KPNA7: variants seen among roughly 807,000 people sequenced by gnomAD.
The protein encoded by KPNA7 is importin subunit alpha-8.
KPNA7 carries 54 observed loss-of-function variants against 53.7 expected under a neutral mutation model. The observed-to-expected ratio is 1.01, with a 90% CI of 0.81 to 1.26. KPNA7 has a LOEUF of 1.26. KPNA7 is among the 50% of genes most tolerant of loss of function. KPNA7 has a pLI of 0.00. For synonymous variants in KPNA7, 276 were observed against 259.3 expected (o/e 1.06, Z -0.62); for missense variants, 640 against 644.5 (o/e 0.99, Z 0.07).
At chr7:99,216,703 G>A (rs145125623) in intron 1 of KPNA7, among the ~76,000 whole-genome samples, 7 of 152,044 alleles carry the variant, frequency 4.6e-5, no homozygotes, top group Non-Finnish European at 1.0e-4. Flanking sequence ...CTGGGATTAC[G>A]GGCATGCGCC....
chr7:99,180,605 G>GTC (rs1442901833), intron 9 of KPNA7, among the ~76,000 whole-genome samples: 1 of 125,204 alleles, frequency 8.0e-6, no homozygotes, highest in Non-Finnish European at 1.7e-5. Context: ...CTCCGTCTCT[G>GTC]TCTCTCTCCC....
At chr7:99,163,384 T>TATATATATATATATAA in the KPNA7 span, among the ~76,000 whole-genome samples, 1 of 42,262 alleles carries the variant, frequency 2.4e-5, no homozygotes, top group Non-Finnish European at 4.3e-5. Context: ...TATATATATA[T>TATATATATATATATAA]TTTTTTTTTT....
intron 2 of KPNA7, among the ~76,000 whole-genome samples, chr7:99,204,132 C>T (rs192411689): frequency 2.6e-5 from 4 of 152,236 alleles, no homozygotes; most frequent in African/African-American, 4.8e-5. Flanking sequence ...ATAATCCCAG[C>T]ACTTTGGGAG....
At chr7:99,152,774 T>C in the KPNA7 span, among the ~76,000 whole-genome samples, 4 of 152,300 alleles carry the variant, frequency 2.6e-5, no homozygotes, top group African/African-American at 9.6e-5. Flanking sequence ...TATAATCATT[T>C]TAGACATCGC....
At chr7:99,215,369 CAAAAAAAAAAAAAA>C (rs533680824) in intron 1 of KPNA7, among the ~76,000 whole-genome samples, 2 of 52,070 alleles carry the variant, frequency 3.8e-5, no homozygotes, top group Non-Finnish European at 6.6e-5. Flanking sequence ...GAGACTGTCT[CAAAAAAAAAAAAAA>C]AAAAAAAAAA....
At chr7:99,160,048 A>T in the KPNA7 span, among the ~76,000 whole-genome samples, 2 of 117,814 alleles carry the variant, frequency 1.7e-5, no homozygotes, top group Admixed American at 9.9e-5. Context: ...TTTTTGAGAC[A>T]GTGTCTCGCT....
At chr7:99,158,025 C>T in the KPNA7 span, among the ~76,000 whole-genome samples, 1 of 151,802 alleles carries the variant, frequency 6.6e-6, no homozygotes, top group Non-Finnish European at 1.5e-5. Flanking sequence ...GTAGCTGGGA[C>T]TACAGGTACA....
At chr7:99,158,503 TTTATTA>T in the KPNA7 span, among the ~76,000 whole-genome samples, 150 of 152,154 alleles carry the variant, frequency 9.9e-4, 1 homozygote, top group Middle Eastern at 3.4e-3. Context: ...GTACTATCTT[TTTATTA>T]TTATTATTAT....
chr7:99,187,924 C>A (rs916803663), intron 7 of KPNA7, among the ~76,000 whole-genome samples: 21 of 150,064 alleles, frequency 1.4e-4, no homozygotes, highest in African/African-American at 5.1e-4. Context: ...ACCTCTAATC[C>A]CAGTCGTTTG....
chr7:99,160,786 A>G, the KPNA7 span, among the ~76,000 whole-genome samples: 12 of 152,244 alleles, frequency 7.9e-5, no homozygotes, highest in South Asian at 4.1e-4. Context: ...ATGGTTCCCA[A>G]TGACCTCTGT....
At chr7:99,161,307 T>C in the KPNA7 span, among the ~76,000 whole-genome samples, 1 of 151,742 alleles carries the variant, frequency 6.6e-6, no homozygotes, top group East Asian at 1.9e-4. Flanking sequence ...TTCCCTGTTA[T>C]TGGAGATTCA....
downstream of KPNA7, among the ~76,000 whole-genome samples, chr7:99,169,521 G>A (rs1389243508): frequency 1.3e-5 from 2 of 151,864 alleles, no homozygotes; most frequent in African/African-American, 2.4e-5. Context: ...TCAGGAGGCC[G>A]ACAGGAGAAT....
chr7:99,161,645 CCT>C, the KPNA7 span, among the ~76,000 whole-genome samples: 67 of 152,126 alleles, frequency 4.4e-4, no homozygotes, highest in Non-Finnish European at 7.9e-4. Context: ...TTAGTGATTC[CCT>C]GTCTGCCACT....
intron 7 of KPNA7, among the ~76,000 whole-genome samples, chr7:99,187,942 G>A (rs1261640211): frequency 1.3e-5 from 2 of 150,924 alleles, no homozygotes; most frequent in South Asian, 2.1e-4. Context: ...TTGGGAGGCC[G>A]AGGCAGGAGG....
upstream of KPNA7, among the ~76,000 whole-genome samples, chr7:99,208,292 G>A (rs1367485260): frequency 6.6e-6 from 1 of 151,960 alleles, no homozygotes; most frequent in Non-Finnish European, 1.5e-5. Context: ...GTCTCACTCT[G>A]TCACCCAGGC....
intron 10 of KPNA7, among the ~76,000 whole-genome samples, chr7:99,174,325 C>T (rs908981238): frequency 6.6e-6 from 1 of 152,144 alleles, no homozygotes; most frequent in Non-Finnish European, 1.5e-5. Context: ...AGGAAAAGAT[C>T]TCAGGGTTCC....
chr7:99,173,193 TTTA>T (rs1333179268), downstream of KPNA7, among the ~76,000 whole-genome samples: 3 of 152,134 alleles, frequency 2.0e-5, no homozygotes, highest in African/African-American at 4.8e-5. Context: ...TTCTTTATTT[TTTA>T]TTATTTTTTT....
intron 7 of KPNA7, among the ~76,000 whole-genome samples, chr7:99,187,295 A>C (rs10268487): frequency 0.023 from 3,505 of 152,152 alleles, 137 homozygotes; most frequent in African/African-American, 0.078. Context: ...CTCACACACA[A>C]AAAAAATAAT....
chr7:99,166,268 T>A, the KPNA7 span, among the ~76,000 whole-genome samples: 3 of 152,116 alleles, frequency 2.0e-5, no homozygotes, highest in Non-Finnish European at 4.4e-5. Flanking sequence ...TCTTTCAACA[T>A]CTCCTATCCA....
Sources: allele counts gnomAD v4.1 joint callset (sites outside exome capture counted in the v4.1 genomes callset), GRCh38; gene constraint gnomAD v4.1.1; transcripts MANE v1.5; gene names NCBI Gene and HGNC (gene_info 2026-07-23, HGNC 2026-07-21).